Variants in DLGAP1 observed in about 807,000 individuals in gnomAD.
DLGAP1 encodes the protein disks large-associated protein 1.
In DLGAP1, 11 loss-of-function variants were observed where a neutral mutation model predicts 90.8. The ratio of observed to expected loss-of-function variants is 0.12; its 90% CI spans 0.08 to 0.20. The LOEUF is 0.20. Ranked by LOEUF, DLGAP1 falls within the 10% of genes least tolerant of loss-of-function variation. The pLI, the probability that DLGAP1 is intolerant of heterozygous loss-of-function variation, is 1.00. For synonymous variants in DLGAP1, 558 were observed against 540.7 expected, an observed-to-expected ratio of 1.03 and a Z score of -0.44; for missense variants, 1,050 against 1,333.8, an observed-to-expected ratio of 0.79 and a Z score of 3.31.
chr18:4,123,127 C>G (rs1347985578), intron 2 of DLGAP1, among the ~76,000 whole-genome samples: 1 of 152,128 alleles, frequency 6.6e-6, no homozygotes. Flanking sequence ...CCTTCCAGCT[C>G]TTTCTCCCTC....
chr18:4,223,056 C>T (rs1416196976), intron 1 of DLGAP1, among the ~76,000 whole-genome samples: 1 of 151,946 alleles, frequency 6.6e-6, no homozygotes, highest in Non-Finnish European at 1.5e-5. Flanking sequence ...GAGATTAAGA[C>T]CATCGTACTA....
chr18:4,329,071 G>A (rs625070), intron 1 of DLGAP1, among the ~76,000 whole-genome samples: 49,015 of 151,602 alleles, frequency 0.32, 8,306 homozygotes, highest in African/African-American at 0.43. Flanking sequence ...TTTCTTTTAT[G>A]ACTTGTGCTT....
chr18:3,926,417 T>TACAC (rs767794758), intron 3 of DLGAP1, among the ~76,000 whole-genome samples: 1 of 121,552 alleles, frequency 8.2e-6, no homozygotes, highest in Non-Finnish European at 1.9e-5. Flanking sequence ...TATATATATA[T>TACAC]ATATACACAC....
At chr18:3,955,196 G>T (rs2073060824) in intron 3 of DLGAP1, among the ~76,000 whole-genome samples, 1 of 152,118 alleles carries the variant, frequency 6.6e-6, no homozygotes, top group Admixed American at 6.5e-5. Context: ...TGGGTAGTGT[G>T]CTCAAAGACC....
chr18:3,774,922 C>G (rs1180364192), intron 5 of DLGAP1, among the ~76,000 whole-genome samples: 1 of 152,158 alleles, frequency 6.6e-6, no homozygotes, highest in Non-Finnish European at 1.5e-5. Flanking sequence ...CTTCCTCCCA[C>G]CACCTCCTGC....
At chr18:4,331,373 C>G (rs1187739807) in intron 1 of DLGAP1, among the ~76,000 whole-genome samples, 1 of 151,756 alleles carries the variant, frequency 6.6e-6, no homozygotes. Context: ...TCCTACCCAT[C>G]AAGGGGATCC....
chr18:3,719,556 C>CAAAAAAAAA (rs60129859), intron 7 of DLGAP1, among the ~76,000 whole-genome samples: 12 of 58,270 alleles, frequency 2.1e-4, no homozygotes, highest in African/African-American at 3.8e-4. Context: ...GACTCTGTCT[C>CAAAAAAAAA]AAAAAAAAAA....
rs189835423 is a variant in DLGAP1, at chr18:4,018,958, G to T, written c.-158-13757C>A. ...ATAAGAATTTGACAGAAAAACTCAAGGCTTTAAAAAGGAAATAATTAGTCT... is the reference window on the plus strand; with the variant it reads ...ATAAGAATTTGACAGAAAAACTCAATGCTTTAAAAAGGAAATAATTAGTCT... On this transcript the variant is annotated intron_variant, in intron 2 of 12. Transcript: ENST00000315677. Among the ~76,000 whole-genome samples, 5 of 152,308 alleles carry T rather than the reference G, an allele frequency of 3.3e-5. No homozygotes were observed. The East Asian group carries it at 9.7e-4, about 29-fold the overall frequency.
chr18:3,864,318 T>C (rs2070259606), intron 4 of DLGAP1, among the ~76,000 whole-genome samples: 1 of 152,224 alleles, frequency 6.6e-6, no homozygotes, highest in Admixed American at 6.5e-5. Flanking sequence ...AGAGATCAAA[T>C]TGGCATGGTT....
intron 1 of DLGAP1, among the ~76,000 whole-genome samples, chr18:4,396,475 C>T (rs752653875): frequency 3.3e-5 from 5 of 152,160 alleles, no homozygotes; most frequent in Admixed American, 1.3e-4. Flanking sequence ...CGGTTTTCTG[C>T]TACTCTGAAG....
Position 4,316,833 on chromosome 18 carries a change from T to C in DLGAP1, c.-267+138173A>G, listed in dbSNP as rs148338050. Among the ~76,000 whole-genome samples the C allele has an allele frequency of 8.5e-3, 1,293 of 152,252 alleles. 16 individuals carry two copies. Among genetic ancestry groups the C allele is most frequent in the Middle Eastern group, 0.031 (9 of 294 alleles). On this transcript the variant is annotated intron_variant, in intron 1 of 12. Coordinates refer to ENST00000315677, the MANE Select transcript of DLGAP1 (RefSeq NM_004746.4). ...GTATGCCACAATTTGGCCACTAGAT[T>C]TATAATTTTTTCCCATGTCCATATC...
intron 5 of DLGAP1, among the ~76,000 whole-genome samples, chr18:3,764,945 A>C (rs59441360): frequency 0.23 from 34,944 of 151,606 alleles, 4,714 homozygotes; most frequent in East Asian, 0.54. Flanking sequence ...ACAGGGAAGA[A>C]CAGGGGTGAG....
chr18:3,755,120 ACCATTATGAAAATAATTTAAAAATAT>A (rs2063667818), intron 5 of DLGAP1, among the ~76,000 whole-genome samples: 1 of 152,108 alleles, frequency 6.6e-6, no homozygotes, highest in South Asian at 2.1e-4. Flanking sequence ...CTCTGGAGTA[ACCATTATGAAAATAATTTAAAAATAT>A]TTAGTAAAGA....
At chr18:3,529,756 G>A (rs2144384058) in intron 10 of DLGAP1, among the ~76,000 whole-genome samples, 1 of 152,310 alleles carries the variant, frequency 6.6e-6, no homozygotes, top group South Asian at 2.1e-4. Context: ...ACCCAGTTCA[G>A]CTTGAACAAC....
At chr18:3,951,406 T>C (rs1055009186) in intron 3 of DLGAP1, among the ~76,000 whole-genome samples, 1 of 152,258 alleles carries the variant, frequency 6.6e-6, no homozygotes, top group African/African-American at 2.4e-5. Flanking sequence ...ATAGAAAACT[T>C]TTGGACAATA....
intron 7 of DLGAP1, among the ~76,000 whole-genome samples, chr18:3,610,348 AT>A (rs1486614397): frequency 6.6e-6 from 1 of 152,120 alleles, no homozygotes; most frequent in Non-Finnish European, 1.5e-5. Context: ...CCTAGGAGAG[AT>A]TAACTGAGTC....
At chr18:4,343,320 A>AT in intron 1 of DLGAP1, among the ~76,000 whole-genome samples, 1 of 151,936 alleles carries the variant, frequency 6.6e-6, no homozygotes, top group South Asian at 2.1e-4. Context: ...AAAAAAAAAA[A>AT]AAAGTTTAGA....
At chr18:3,817,270 A>T (rs1324647441) in intron 4 of DLGAP1, among the ~76,000 whole-genome samples, 1 of 152,106 alleles carries the variant, frequency 6.6e-6, no homozygotes, top group African/African-American at 2.4e-5. Flanking sequence ...TTGTTCAGAT[A>T]TTTTTTTCAA....
intron 1 of DLGAP1, among the ~76,000 whole-genome samples, chr18:4,333,312 A>G (rs576371989): frequency 2.6e-5 from 4 of 152,034 alleles, no homozygotes; most frequent in African/African-American, 7.3e-5. Flanking sequence ...TTCAAGATCT[A>G]GCAGGCTAGC....
Sources: allele counts gnomAD v4.1 joint callset (sites outside exome capture counted in the v4.1 genomes callset), GRCh38; gene constraint gnomAD v4.1.1; transcripts MANE v1.5; gene names NCBI Gene and HGNC (gene_info 2026-07-23, HGNC 2026-07-21).